Variants in RPS6KA2 observed in about 807,000 individuals in gnomAD.
RPS6KA2 encodes ribosomal protein S6 kinase A2, also known as ribosomal protein S6 kinase alpha-2.
RPS6KA2 carries 42 observed loss-of-function variants against 91.8 expected under a neutral mutation model. That is an observed-to-expected ratio of 0.46 (90% CI 0.36 to 0.59). The LOEUF (loss-of-function observed/expected upper bound fraction) is 0.59. Among genes scored for constraint, RPS6KA2 ranks in the 20% least tolerant of loss-of-function variants. The pLI is 0.00. For synonymous variants in RPS6KA2, 414 were observed against 393.6 expected, an observed-to-expected ratio of 1.05 and a Z score of -0.61; for missense variants, 798 against 978.5, an observed-to-expected ratio of 0.82 and a Z score of 2.46.
At chr6:166,719,021 C>T (rs1048201300) in intron 2 of RPS6KA2, among the ~76,000 whole-genome samples, 6 of 152,208 alleles carry the variant, frequency 3.9e-5, no homozygotes, top group Non-Finnish European at 8.8e-5. Context: ...TGGCACCAGC[C>T]GGCAAACTTT....
chr6:166,639,169 A>C lies in RPS6KA2; in HGVS notation c.124-100385T>G, dbSNP rs1306495831. 6.6e-6 allele frequency among the ~76,000 whole-genome samples: 1 copy of C among 152,220 alleles called. No individual in the cohort carries two copies. Among genetic ancestry groups the C allele is most frequent in the Non-Finnish European group, 1.5e-5 (1 of 68,044 alleles). On this transcript the variant is annotated intron_variant, in intron 2 of 21. Coordinates refer to the RPS6KA2 transcript ENST00000503859. The surrounding 1 kb of genome is among the most constrained non-coding windows in gnomAD (Gnocchi z 4.2). ...TGGCTGGGAAGGCAGTCGACTCCCA[A>C]ATATGAGAATTTGTATCTGAAAACT...
intron 2 of RPS6KA2, among the ~76,000 whole-genome samples, chr6:166,664,462 G>T (rs372469457): frequency 3.3e-5 from 5 of 152,198 alleles, no homozygotes; most frequent in Admixed American, 2.6e-4. Context: ...AGCTTCAGAA[G>T]ATATTTTAAG....
intron 2 of RPS6KA2, among the ~76,000 whole-genome samples, chr6:166,801,111 A>G (rs190732781): frequency 1.3e-5 from 2 of 152,368 alleles, no homozygotes; most frequent in East Asian, 3.9e-4. Context: ...TTTTGCTGCA[A>G]GTGCAGTGAG....
At chr6:166,551,951 G>A (rs372799217) in intron 1 of RPS6KA2, among the ~76,000 whole-genome samples, 7 of 152,218 alleles carry the variant, frequency 4.6e-5, no homozygotes, top group South Asian at 4.1e-4. Context: ...AACTGAAGTC[G>A]TTGACACAGC....
chr6:166,654,798 G>C (rs1051148646), intron 2 of RPS6KA2, among the ~76,000 whole-genome samples: 13 of 152,138 alleles, frequency 8.5e-5, no homozygotes, highest in Admixed American at 2.6e-4. Context: ...CATCACGTTA[G>C]GAGACCTGTC....
chr6:166,514,033 C>T (rs1029608833), intron 3 of RPS6KA2, among the ~76,000 whole-genome samples: 5 of 152,012 alleles, frequency 3.3e-5, no homozygotes, highest in Non-Finnish European at 5.9e-5. Flanking sequence ...AGTTTTTCTT[C>T]TCTATGTAGG....
chr6:166,561,786 G>A (rs899732772), intron 1 of RPS6KA2, among the ~76,000 whole-genome samples: 2 of 152,112 alleles, frequency 1.3e-5, no homozygotes, highest in African/African-American at 2.4e-5. Flanking sequence ...AGAAGAAGAC[G>A]ATGGGCTGCG....
chr6:166,757,904 T>C (rs1778063251), intron 2 of RPS6KA2: 1 of 233,324 alleles, frequency 4.3e-6, no homozygotes, highest in Non-Finnish European at 8.6e-6. Context: ...CTGATGAGAA[T>C]GCGAAGTTAC....
intron 3 of RPS6KA2, among the ~76,000 whole-genome samples, chr6:166,516,430 G>C (rs931698256): frequency 6.6e-6 from 1 of 152,216 alleles, no homozygotes; most frequent in East Asian, 1.9e-4. Flanking sequence ...GCCAGGGGTG[G>C]GGGAGGCAGG....
At chr6:166,516,761 C>G (rs1374608864) in intron 3 of RPS6KA2, among the ~76,000 whole-genome samples, 1 of 152,216 alleles carries the variant, frequency 6.6e-6, no homozygotes, top group East Asian at 1.9e-4. Context: ...ATCCGTCATT[C>G]CAATGTGCCT....
intron 2 of RPS6KA2, among the ~76,000 whole-genome samples, chr6:166,694,176 A>G (rs561486943): frequency 1.6e-3 from 251 of 152,308 alleles, no homozygotes; most frequent in African/African-American, 5.9e-3. Context: ...GTTCTTTGCC[A>G]TGTGGATACC....
chr6:166,691,984 C>G (rs1476680233), intron 2 of RPS6KA2, among the ~76,000 whole-genome samples: 1 of 152,180 alleles, frequency 6.6e-6, no homozygotes, highest in Non-Finnish European at 1.5e-5. Context: ...GTCCCAGGAG[C>G]AGTCACCCAT....
At chr6:166,507,976 A>G (rs1782309731) in intron 5 of RPS6KA2, among the ~76,000 whole-genome samples, 1 of 137,140 alleles carries the variant, frequency 7.3e-6, no homozygotes, top group African/African-American at 2.8e-5. Flanking sequence ...ATGCACATGC[A>G]GTCTCGCAAC....
intron 5 of RPS6KA2, among the ~76,000 whole-genome samples, chr6:166,505,135 T>C (rs1204280403): frequency 6.6e-6 from 1 of 152,122 alleles, no homozygotes; most frequent in Non-Finnish European, 1.5e-5. Context: ...TGGGATTAGT[T>C]CTACCAAAGA....
At chr6:166,786,780 T>C (rs1778941710) in intron 2 of RPS6KA2, among the ~76,000 whole-genome samples, 1 of 152,236 alleles carries the variant, frequency 6.6e-6, no homozygotes, top group Non-Finnish European at 1.5e-5. Context: ...AATTTAGTGC[T>C]CAAAAATAGT....
intron 2 of RPS6KA2, among the ~76,000 whole-genome samples, chr6:166,640,586 T>C (rs1787399653): frequency 6.6e-6 from 1 of 152,168 alleles, no homozygotes; most frequent in African/African-American, 2.4e-5. Flanking sequence ...GTCACGTATG[T>C]AGAGAGAGCC....
At chr6:166,858,666 C>T (rs1583185518) in intron 1 of RPS6KA2, among the ~76,000 whole-genome samples, 1 of 152,350 alleles carries the variant, frequency 6.6e-6, no homozygotes. Context: ...TGTGTGACCA[C>T]TCCCATGAGA....
intron 2 of RPS6KA2, among the ~76,000 whole-genome samples, chr6:166,818,961 G>A (rs567655055): frequency 5.9e-5 from 9 of 152,060 alleles, no homozygotes; most frequent in African/African-American, 1.7e-4. Context: ...TCCCTTCATC[G>A]GGGAGTGTGG....
At chr6:166,695,532 A>G (rs1004967083) in intron 2 of RPS6KA2, among the ~76,000 whole-genome samples, 3 of 152,224 alleles carry the variant, frequency 2.0e-5, no homozygotes, top group South Asian at 2.1e-4. Flanking sequence ...TGGGTTCCCA[A>G]TCCTCAGGCC....
Sources: allele counts gnomAD v4.1 joint callset (sites outside exome capture counted in the v4.1 genomes callset), GRCh38; gene constraint gnomAD v4.1.1; non-coding constraint Gnocchi (gnomAD v3.1); transcripts MANE v1.5; gene names NCBI Gene and HGNC (gene_info 2026-07-23, HGNC 2026-07-21).